Variants in RARB observed in about 807,000 individuals in gnomAD.
RARB encodes the protein retinoic acid receptor beta.
A neutral mutation model predicts 51.9 loss-of-function variants in RARB; 17 were observed. The observed-to-expected ratio is 0.33, with a 90% CI of 0.22 to 0.49. The LOEUF (loss-of-function observed/expected upper bound fraction) is 0.49, where lower values mean the gene tolerates loss of function less well. Among genes scored for constraint, RARB ranks in the 20% least tolerant of loss-of-function variants. The pLI, the probability that RARB is intolerant of heterozygous loss-of-function variation, is 0.99. For missense variants in RARB, 369 were observed against 550.8 expected (o/e 0.67, Z 3.30); for synonymous variants, 215 against 195.4 (o/e 1.10, Z -0.84).
chr3:24,846,358 T>C (rs1189694009), intron 1 of RARB, among the ~76,000 whole-genome samples: 2 of 152,202 alleles, frequency 1.3e-5, no homozygotes, highest in South Asian at 2.1e-4. Flanking sequence ...TCATAAATAT[T>C]AGTTATTACC....
At chr3:25,154,541 T>C (rs912965834) in intron 4 of RARB, among the ~76,000 whole-genome samples, 2 of 152,222 alleles carry the variant, frequency 1.3e-5, no homozygotes, top group Non-Finnish European at 2.9e-5. Context: ...CAATCCATTT[T>C]CCACACAGCT....
intron 2 of RARB, among the ~76,000 whole-genome samples, chr3:24,926,016 G>A (rs1315826601): frequency 6.6e-6 from 1 of 152,080 alleles, no homozygotes; most frequent in Non-Finnish European, 1.5e-5. Flanking sequence ...TAGGTGATCT[G>A]AGAATACTTC....
chr3:25,477,201 A>G (rs1397423510), intron 2 of RARB, among the ~76,000 whole-genome samples: 1 of 152,204 alleles, frequency 6.6e-6, no homozygotes, highest in African/African-American at 2.4e-5. Context: ...TTTTAGTTCT[A>G]GGAAAGTAAA....
At position 25,179,110 on chromosome 3, in the gene RARB, C is replaced by G. The variant is rs116834715; in HGVS notation, c.178+4535C>G. Among the ~76,000 whole-genome samples the G allele has an allele frequency of 6.6e-3, 1,007 of 152,254 alleles. 8 individuals are homozygous for G. Among genetic ancestry groups the G allele is most frequent in the African/African-American group, 0.022 (903 of 41,542 alleles). ...AAAATAGGGTATTTGCTTAAAAAAT[C>G]CCAACCTTCTGGAGAGACAGGCTGT... On this transcript the variant is annotated intron_variant, in intron 5 of 11. Transcript: ENST00000383772.
chr3:25,275,602 C>G (rs1312432409), intron 5 of RARB, among the ~76,000 whole-genome samples: 1 of 152,232 alleles, frequency 6.6e-6, no homozygotes, highest in East Asian at 1.9e-4. Flanking sequence ...TATTCAAGAA[C>G]TATCTGTCCT....
At chr3:25,567,107 C>T (rs1373436543) in intron 3 of RARB, among the ~76,000 whole-genome samples, 1 of 152,208 alleles carries the variant, frequency 6.6e-6, no homozygotes, top group Non-Finnish European at 1.5e-5. Flanking sequence ...CGATGTGTCA[C>T]CTCCCACAGG....
At chr3:25,435,982 T>C (rs1708418871) in intron 1 of RARB, among the ~76,000 whole-genome samples, 1 of 152,226 alleles carries the variant, frequency 6.6e-6, no homozygotes, top group Admixed American at 6.5e-5. Context: ...AAAATGTAGC[T>C]AGACACATCT....
intron 5 of RARB, among the ~76,000 whole-genome samples, chr3:25,403,886 T>TTA (rs1553611516): frequency 5.7e-5 from 5 of 88,378 alleles, no homozygotes; most frequent in Non-Finnish European, 7.9e-5. Flanking sequence ...TTTCTTTTTC[T>TTA]AAAAAAAAAA....
intron 2 of RARB, among the ~76,000 whole-genome samples, chr3:25,027,974 AT>A (rs10535825): frequency 4.0e-5 from 6 of 151,654 alleles, no homozygotes; most frequent in Admixed American, 2.6e-4. Flanking sequence ...TGGCTCATGG[AT>A]TTTTTTTTTC....
chr3:24,835,963 A>T (rs1359959676), intron 1 of RARB, among the ~76,000 whole-genome samples: 3 of 152,196 alleles, frequency 2.0e-5, no homozygotes, highest in Non-Finnish European at 4.4e-5. Context: ...GAAGCCTGAA[A>T]ACAAGTGGGA....
chr3:25,597,853 ACAATGCTTTCTATGTTCATATACTGT>A lies in RARB; in HGVS notation c.*1238_*1263del. The A allele has an allele frequency of 6.6e-6, 1 of 152,338 alleles. No homozygotes were observed. The highest frequency in any genetic ancestry group is 1.9e-4 in the East Asian group (1 of 5,194). 9.4% of individuals were successfully genotyped at this position (152,338 alleles called of 1,614,324 possible). On this transcript the variant is annotated 3_prime_UTR_variant, in exon 8 of 8. Transcript: ENST00000330688. ...TTTGTACATTGAGATTGTTTGTTTA[ACAATGCTTTCTATGTTCATATACTGT>A]TTACCTTTTTCCATGGAGTCTCCTG...
At chr3:25,545,781 T>C (rs1242992410) in intron 3 of RARB, among the ~76,000 whole-genome samples, 1 of 152,124 alleles carries the variant, frequency 6.6e-6, no homozygotes, top group Non-Finnish European at 1.5e-5. Flanking sequence ...TATGAAAGGC[T>C]GAGGATGTAC....
intron 5 of RARB, among the ~76,000 whole-genome samples, chr3:25,269,614 C>G (rs1703207838): frequency 6.6e-6 from 1 of 152,100 alleles, no homozygotes; most frequent in Non-Finnish European, 1.5e-5. Context: ...TAGAAAATAG[C>G]TAGTCTTCAA....
chr3:25,253,962 G>C (rs1702795268), intron 5 of RARB, among the ~76,000 whole-genome samples: 1 of 152,092 alleles, frequency 6.6e-6, no homozygotes, highest in South Asian at 2.1e-4. Flanking sequence ...AAGAATAAAA[G>C]GATATCATTG....
chr3:25,144,625 C>T (rs892065945), intron 4 of RARB, among the ~76,000 whole-genome samples: 1 of 152,180 alleles, frequency 6.6e-6, no homozygotes, highest in Non-Finnish European at 1.5e-5. Flanking sequence ...GTGCCAGGTG[C>T]TTAACAAGCT....
chr3:25,424,278 C>T (rs1387503518), upstream of RARB, among the ~76,000 whole-genome samples: 1 of 152,208 alleles, frequency 6.6e-6, no homozygotes, highest in East Asian at 1.9e-4. Flanking sequence ...ATAAGATCCA[C>T]GAACATCAAC....
chr3:24,981,295 C>G (rs928584012), intron 2 of RARB, among the ~76,000 whole-genome samples: 1 of 152,176 alleles, frequency 6.6e-6, no homozygotes, highest in Non-Finnish European at 1.5e-5. Flanking sequence ...AACCACTGCT[C>G]TCTTCAGAGC....
intron 5 of RARB, among the ~76,000 whole-genome samples, chr3:25,304,234 G>A (rs1030209393): frequency 1.3e-5 from 2 of 152,116 alleles, no homozygotes; most frequent in Non-Finnish European, 1.5e-5. Context: ...CTTATTTTCA[G>A]TGCTTTCTAA....
intron 3 of RARB, among the ~76,000 whole-genome samples, chr3:25,118,338 G>T (rs888707497): frequency 2.0e-5 from 3 of 152,058 alleles, no homozygotes; most frequent in Admixed American, 6.6e-5. Flanking sequence ...GTCCAGATTT[G>T]TCACTTTATC....
Sources: allele counts gnomAD v4.1 joint callset (sites outside exome capture counted in the v4.1 genomes callset), GRCh38; gene constraint gnomAD v4.1.1; transcripts MANE v1.5; gene names NCBI Gene and HGNC (gene_info 2026-07-23, HGNC 2026-07-21).